Variants in KCNH8 observed in about 807,000 individuals in gnomAD.
KCNH8 encodes voltage-gated delayed rectifier potassium channel KCNH8.
KCNH8 carries 70 observed loss-of-function variants against 103.6 expected under a neutral mutation model. The observed-to-expected ratio is 0.68, with a 90% CI of 0.56 to 0.82. KCNH8 has a LOEUF of 0.82. Ranked by LOEUF, KCNH8 falls within the 40% of genes least tolerant of loss-of-function variation. KCNH8 has a pLI of 0.00. For missense variants in KCNH8, 1,217 were observed against 1,329.9 expected (o/e 0.92, Z 1.32); for synonymous variants, 498 against 489.4 (o/e 1.02, Z -0.23).
chr3:19,385,756 G>A (rs13077930), intron 5 of KCNH8, among the ~76,000 whole-genome samples: 86,039 of 151,862 alleles, frequency 0.57, 25,672 homozygotes, highest in African/African-American at 0.76. Flanking sequence ...ATTTGCTGTG[G>A]TATCATAATG....
chr3:19,177,639 T>C (rs2063413208), intron 1 of KCNH8, among the ~76,000 whole-genome samples: 1 of 152,014 alleles, frequency 6.6e-6, no homozygotes, highest in African/African-American at 2.4e-5. Context: ...TTTATACACC[T>C]ACAGAGACAG....
At chr3:19,364,128 A>G (rs1045546356) in intron 5 of KCNH8, among the ~76,000 whole-genome samples, 4 of 151,510 alleles carry the variant, frequency 2.6e-5, no homozygotes, top group Admixed American at 1.3e-4. Context: ...CTCCTCCCCT[A>G]CTACTAACAT....
chr3:19,380,845 G>T (rs1357815221), intron 5 of KCNH8, among the ~76,000 whole-genome samples: 1 of 152,128 alleles, frequency 6.6e-6, no homozygotes, highest in Non-Finnish European at 1.5e-5. Context: ...AAAATAGACT[G>T]AATTATTGTA....
chr3:19,273,510 C>T (rs2064620030), intron 2 of KCNH8, among the ~76,000 whole-genome samples: 2 of 152,108 alleles, frequency 1.3e-5, no homozygotes, highest in South Asian at 4.1e-4. Flanking sequence ...GTTCTCTTTG[C>T]TATTTTCAGT....
At chr3:19,403,341 C>A (rs972715020) in intron 7 of KCNH8, among the ~76,000 whole-genome samples, 1 of 136,908 alleles carries the variant, frequency 7.3e-6, no homozygotes, top group East Asian at 2.1e-4. Context: ...TGTTCCCCCC[C>A]ATGAAATACA....
chr3:19,532,387 T>C (rs1009745092), intron 15 of KCNH8, among the ~76,000 whole-genome samples: 5 of 152,196 alleles, frequency 3.3e-5, no homozygotes, highest in African/African-American at 7.2e-5. Context: ...GGTCTTTTTC[T>C]TTCTTTCCAA....
Position 19,148,814 on chromosome 3 carries a change from C to T in KCNH8, c.76+19C>T, listed in dbSNP as rs571412601. 5 of 1,605,290 alleles carry T rather than the reference C, an allele frequency of 3.1e-6. No individual in the cohort carries two copies. Among genetic ancestry groups the T allele is most frequent in the South Asian group, 1.1e-5 (1 of 90,930 alleles). On this transcript the variant is annotated intron_variant, in intron 1 of 15. Transcript: ENST00000328405. ...GGAACACGTAAGTCTTACACTTGAACGAGTGGTATGGCATTTTCTGAGACT... is the reference window on the plus strand; with the variant it reads ...GGAACACGTAAGTCTTACACTTGAATGAGTGGTATGGCATTTTCTGAGACT...
chr3:19,283,748 T>C (rs1559458211), intron 3 of KCNH8, among the ~76,000 whole-genome samples: 1 of 151,166 alleles, frequency 6.6e-6, no homozygotes, highest in Admixed American at 6.6e-5. Context: ...AGACTCTGTC[T>C]TTACCAAAAA....
At chr3:19,447,994 G>A (rs983175138) in intron 8 of KCNH8, among the ~76,000 whole-genome samples, 1 of 151,730 alleles carries the variant, frequency 6.6e-6, no homozygotes, top group Non-Finnish European at 1.5e-5. Flanking sequence ...ACCAAGAGCC[G>A]CTCTTTACTA....
At chr3:19,170,721 CAT>C (rs1404574623) in intron 1 of KCNH8, among the ~76,000 whole-genome samples, 11 of 113,566 alleles carry the variant, frequency 9.7e-5, no homozygotes, top group East Asian at 4.9e-4. Flanking sequence ...TATACACACA[CAT>C]ATATACACAC....
At chr3:19,365,569 C>T (rs989468759) in intron 5 of KCNH8, among the ~76,000 whole-genome samples, 1 of 151,888 alleles carries the variant, frequency 6.6e-6, no homozygotes, top group African/African-American at 2.4e-5. Context: ...TCGTAATGAA[C>T]ATCTCTATGA....
intron 1 of KCNH8, among the ~76,000 whole-genome samples, chr3:19,226,195 A>G (rs1273516027): frequency 6.6e-6 from 1 of 152,236 alleles, no homozygotes; most frequent in African/African-American, 2.4e-5. Context: ...TTCAACTGCC[A>G]GCAGGATTGG....
At chr3:19,443,476 TAA>T (rs1159665912) in intron 8 of KCNH8, among the ~76,000 whole-genome samples, 1 of 151,172 alleles carries the variant, frequency 6.6e-6, no homozygotes, top group African/African-American at 2.4e-5. Flanking sequence ...TGTGTATATA[TAA>T]AGTTTTCATT....
At chr3:19,524,517 T>C (rs1219414161) in intron 15 of KCNH8, among the ~76,000 whole-genome samples, 1 of 151,880 alleles carries the variant, frequency 6.6e-6, no homozygotes, top group Admixed American at 6.6e-5. Context: ...CCTGTATAAA[T>C]AGGCAGATTT....
intron 11 of KCNH8, among the ~76,000 whole-genome samples, chr3:19,484,122 A>G (rs1227882823): frequency 6.6e-6 from 1 of 152,088 alleles, no homozygotes; most frequent in Non-Finnish European, 1.5e-5. Flanking sequence ...GTTCTGGCTA[A>G]TACTTTACTT....
At chr3:19,254,565 C>T (rs567524607) in intron 2 of KCNH8, among the ~76,000 whole-genome samples, 42 of 152,090 alleles carry the variant, frequency 2.8e-4, no homozygotes, top group Middle Eastern at 3.4e-3. Context: ...TGTAAGGTGT[C>T]CTCAGTCCTT....
intron 11 of KCNH8, among the ~76,000 whole-genome samples, chr3:19,482,731 A>G (rs1460096169): frequency 1.3e-5 from 2 of 152,242 alleles, no homozygotes; most frequent in Non-Finnish European, 2.9e-5. Context: ...TATGTCTTCA[A>G]CTACTTGTCC....
At chr3:19,438,023 T>A in intron 7 of KCNH8, 141 bp from the exon 8 acceptor site, 1 of 694,766 alleles carries the variant, frequency 1.4e-6, no homozygotes, top group South Asian at 1.7e-5. Context: ...ATCTAATAGC[T>A]TGCCTTTAAT....
intron 15 of KCNH8, among the ~76,000 whole-genome samples, chr3:19,527,290 A>ATAGT (rs1488847993): frequency 2.0e-5 from 3 of 152,088 alleles, no homozygotes; most frequent in Non-Finnish European, 4.4e-5. Flanking sequence ...AGGCAGAAGA[A>ATAGT]TAGTTATAGA....
Sources: gnomAD v4.1 joint callset for allele counts (sites outside exome capture counted in the v4.1 genomes callset) on GRCh38, gnomAD v4.1.1 for gene constraint, MANE v1.5 for transcripts, NCBI Gene and HGNC (gene_info 2026-07-23, HGNC 2026-07-21) for gene names.